The following MACF1 variants were observed in gnomAD, a reference collection of about 807,000 sequenced individuals.
MACF1 encodes the protein microtubule actin crosslinking factor 1, also known as microtubule-actin cross-linking factor 1.
Under a neutral mutation model 854.8 loss-of-function variants are expected in MACF1, and 193 were observed. The ratio of observed to expected loss-of-function variants is 0.23; its 90% CI spans 0.20 to 0.25. MACF1 has a LOEUF of 0.25. Among genes scored for constraint, MACF1 ranks in the 10% least tolerant of loss-of-function variants. The pLI, the probability that MACF1 is intolerant of heterozygous loss-of-function variation, is 1.00. For synonymous variants in MACF1, 3,185 were observed against 3,226.7 expected, an observed-to-expected ratio of 0.99 and a Z score of 0.44; for missense variants, 7,722 against 8,929.1, an observed-to-expected ratio of 0.86 and a Z score of 5.45.
intron 1 of MACF1, among the ~76,000 whole-genome samples, chr1:39,221,571 A>T (rs1245546464): frequency 6.6e-6 from 1 of 151,280 alleles, no homozygotes; most frequent in African/African-American, 2.4e-5. Flanking sequence ...TTGAAGTTCT[A>T]CTCTCCTCCC....
chr1:39,132,101 T>TC (rs1054974888), intron 2 of MACF1, among the ~76,000 whole-genome samples: 4 of 152,224 alleles, frequency 2.6e-5, no homozygotes, highest in Admixed American at 2.6e-4. Flanking sequence ...TGGAGGGATA[T>TC]CCCTCAGTAA....
At chr1:39,410,341 G>A (rs780957965) in intron 58 of MACF1, 1 of 1,613,780 alleles carries the variant, frequency 6.2e-7, no homozygotes, top group Admixed American at 1.7e-5. Flanking sequence ...GGAGGAGGAT[G>A]GCTACATAGA....
At chr1:39,239,151 G>A (rs1316061014) in intron 2 of MACF1, among the ~76,000 whole-genome samples, 1 of 152,138 alleles carries the variant, frequency 6.6e-6, no homozygotes, top group African/African-American at 2.4e-5. Context: ...AGTGGTGGCT[G>A]GCGCCTATAA....
intron 1 of MACF1, among the ~76,000 whole-genome samples, chr1:39,210,559 C>T (rs937175694): frequency 2.0e-5 from 3 of 152,004 alleles, no homozygotes; most frequent in Non-Finnish European, 2.9e-5. Flanking sequence ...GTAGAAAAAC[C>T]ACTTAACTTG....
At chr1:39,207,019 GAACA>G (rs1242252912) in intron 1 of MACF1, 1 of 150,406 alleles carries the variant, frequency 6.6e-6, no homozygotes, top group Non-Finnish European at 1.5e-5. Flanking sequence ...CAGTATTGCA[GAACA>G]AACTATAGCA....
chr1:39,279,152 A>G (rs1353164430), intron 6 of MACF1, among the ~76,000 whole-genome samples: 1 of 152,134 alleles, frequency 6.6e-6, no homozygotes, highest in African/African-American at 2.4e-5. Flanking sequence ...AAAGTAGAAT[A>G]GTCTGATTTC....
chr1:39,285,252 G>A, intron 12 of MACF1, 42 bp downstream of exon 12: 1 of 1,614,192 alleles, frequency 6.2e-7, no homozygotes, highest in Non-Finnish European at 8.5e-7. Context: ...TATTTATTGA[G>A]CTGCTGTGAA....
chr1:39,363,999 A>C (rs529750043), intron 49 of MACF1, among the ~76,000 whole-genome samples: 2 of 152,268 alleles, frequency 1.3e-5, no homozygotes, highest in East Asian at 3.9e-4. Context: ...TTTTTCCCAT[A>C]ATATTGGAAG....
intron 39 of MACF1, 42 bp from the exon 40 acceptor site, chr1:39,340,762 G>T (rs1365117580): frequency 6.2e-7 from 1 of 1,612,096 alleles, no homozygotes; most frequent in Admixed American, 1.7e-5. Context: ...AGTCTGGGTG[G>T]CTGGGAGATT....
chr1:39,475,113 C>T lies in MACF1; in HGVS notation c.21959-4685C>T, dbSNP rs140944160. On this transcript the variant is annotated intron_variant, in intron 97 of 100. Coordinates refer to ENST00000564288, the MANE Select transcript of MACF1 (RefSeq NM_001394062.1). ...CCCCAAGATGTGGTCCTCAAAAAAA[C>T]GAAAAGTCACGGTCAAATGAATTTG... Among the ~76,000 whole-genome samples, 278 of 152,178 alleles carry T rather than the reference C, an allele frequency of 1.8e-3. 2 individuals carry two copies. Among genetic ancestry groups the T allele is most frequent in the African/African-American group, 6.3e-3 (262 of 41,522 alleles).
At chr1:39,455,194 A>C (rs754602895) in intron 89 of MACF1, 97 bp downstream of exon 89, 14 of 1,154,678 alleles carry the variant, frequency 1.2e-5, no homozygotes, top group Admixed American at 2.1e-5. Flanking sequence ...TGGCTGCTTA[A>C]CACATTACCA....
intron 2 of MACF1, among the ~76,000 whole-genome samples, chr1:39,138,517 G>A (rs772982646): frequency 2.8e-4 from 43 of 151,308 alleles, no homozygotes; most frequent in Non-Finnish European, 5.5e-4. Flanking sequence ...CCTGGGAGGC[G>A]GAGCTTGCAG....
At position 39,347,015 on chromosome 1, in the gene MACF1, G is replaced by A. The variant is rs762856226; in HGVS notation, c.10620G>A (p.Leu3540=). 1 of 1,613,898 alleles carries A rather than the reference G, an allele frequency of 6.2e-7. No homozygotes were observed. The highest frequency in any genetic ancestry group is 8.5e-7 in the Non-Finnish European group (1 of 1,179,920). Residue 3540 remains leucine, a synonymous_variant, in exon 41 of 101, where the codon CTG becomes CTA. Transcript: ENST00000564288. The part of the protein sequence containing the change: ...KQPMAERKAQ[L]DALAFDIQFF... ...CCATGGCTGAAAGGAAAGCTCAGCT[G>A]GATGCTCTTGCTTTTGATATTCAGT...
At chr1:39,143,603 T>C (rs1643395191) in intron 2 of MACF1, among the ~76,000 whole-genome samples, 1 of 152,034 alleles carries the variant, frequency 6.6e-6, no homozygotes, top group East Asian at 1.9e-4. Context: ...GACCCCAACT[T>C]CTGCCTCTCT....
At chr1:39,459,004 G>C in intron 90 of MACF1, 82 bp from the exon 91 acceptor site, 1 of 1,198,006 alleles carries the variant, frequency 8.3e-7, no homozygotes, top group South Asian at 1.5e-5. Context: ...TTATTATAAA[G>C]ATCTTCTAGG....
rs1236021486 is a variant in MACF1, at chr1:39,388,324, A to C, written c.15482A>C (p.Asp5161Ala). Residue 5161 changes from aspartate (D) to alanine (A), a missense_variant, in exon 58 of 101, where the codon GAT becomes GCT. Coordinates refer to ENST00000564288, the MANE Select transcript of MACF1 (RefSeq NM_001394062.1). ...DTDSLQSQIEDVRLFLNKIHV... is the reference protein window; with the variant it reads ...DTDSLQSQIEAVRLFLNKIHV... ...GATAGCCTCCAGTCCCAAATCGAGG[A>C]TGTCCGGCTATTCCTTAACAAAATT... 2 of 1,614,182 alleles carry C rather than the reference A, an allele frequency of 1.2e-6. No individual in the cohort carries two copies. The highest frequency in any genetic ancestry group is 1.7e-6 in the Non-Finnish European group (2 of 1,180,030).
intron 2 of MACF1, among the ~76,000 whole-genome samples, chr1:39,193,578 A>G (rs1194530602): frequency 6.6e-6 from 1 of 152,222 alleles, no homozygotes; most frequent in East Asian, 1.9e-4. Flanking sequence ...GTTAATGCTT[A>G]CTGTGTGCCA....
chr1:39,448,884 C>T, intron 84 of MACF1, 121 bp downstream of exon 84: 3 of 639,594 alleles, frequency 4.7e-6, no homozygotes, highest in Non-Finnish European at 7.6e-6. Flanking sequence ...ACCATCTTAA[C>T]ACCACCAGTT....
chr1:39,300,151 G>A, intron 21 of MACF1, 59 bp from the exon 22 acceptor site: 1 of 1,562,234 alleles, frequency 6.4e-7, no homozygotes, highest in Non-Finnish European at 8.7e-7. Flanking sequence ...TTTCTTTGTT[G>A]ACTTAGTCAC....
Sources: allele counts gnomAD v4.1 joint callset (sites outside exome capture counted in the v4.1 genomes callset), GRCh38; gene constraint gnomAD v4.1.1; transcripts MANE v1.5; gene names NCBI Gene and HGNC (gene_info 2026-07-23, HGNC 2026-07-21).